Variants in TMEM132C observed in about 807,000 individuals in gnomAD.
The protein encoded by TMEM132C is protein phosphatase 1, regulatory subunit 152.
TMEM132C carries 29 observed loss-of-function variants against 61.4 expected under a neutral mutation model. The observed-to-expected ratio is 0.47, with a 90% CI of 0.35 to 0.64. TMEM132C has a LOEUF of 0.64. Among genes scored for constraint, TMEM132C ranks in the 30% least tolerant of loss-of-function variants. The pLI is 0.00. For missense variants in TMEM132C, 1,408 were observed against 1,476.9 expected, an observed-to-expected ratio of 0.95 and a Z score of 0.76; for synonymous variants, 656 against 633.1, an observed-to-expected ratio of 1.04 and a Z score of -0.54.
chr12:128,334,685 T>C (rs1872749698), intron 1 of TMEM132C, among the ~76,000 whole-genome samples: 1 of 151,640 alleles, frequency 6.6e-6, no homozygotes, highest in Non-Finnish European at 1.5e-5. Context: ...AAGCTCTGCC[T>C]CCTGGGTTCA....
intron 1 of TMEM132C, among the ~76,000 whole-genome samples, chr12:128,358,827 A>C (rs946373595): frequency 1.3e-5 from 2 of 152,234 alleles, no homozygotes; most frequent in African/African-American, 4.8e-5. Flanking sequence ...AGATATGTGA[A>C]GGAAACCCTG....
chr12:128,328,398 C>T (rs115502418), intron 1 of TMEM132C, among the ~76,000 whole-genome samples: 5,069 of 152,208 alleles, frequency 0.033, 88 homozygotes, highest in African/African-American at 0.043. Flanking sequence ...ACTGACCCCC[C>T]GGCTTACATC....
chr12:128,510,422 T>A (rs1368946739), intron 2 of TMEM132C, among the ~76,000 whole-genome samples: 2 of 152,112 alleles, frequency 1.3e-5, no homozygotes, highest in African/African-American at 2.4e-5. Context: ...CTTGCTTTTT[T>A]AAAAAAATAA....
chr12:128,337,487 G>A (rs570619250), intron 1 of TMEM132C, among the ~76,000 whole-genome samples: 4 of 152,082 alleles, frequency 2.6e-5, no homozygotes, highest in Non-Finnish European at 4.4e-5. Context: ...TTCTGATTTC[G>A]CAGGTTGGAA....
chr12:128,624,064 T>G (rs971967887), intron 4 of TMEM132C, among the ~76,000 whole-genome samples: 12 of 152,174 alleles, frequency 7.9e-5, no homozygotes, highest in Admixed American at 7.9e-4. Flanking sequence ...TTCTCATTTT[T>G]TGCCATTTCC....
At chr12:128,277,428 A>G (rs1365749142) in intron 1 of TMEM132C, among the ~76,000 whole-genome samples, 1 of 152,214 alleles carries the variant, frequency 6.6e-6, no homozygotes, top group African/African-American at 2.4e-5. Context: ...CAACTAAAAG[A>G]AAGTGACTTC....
At chr12:128,399,481 C>T (rs1875074770) in intron 1 of TMEM132C, among the ~76,000 whole-genome samples, 1 of 152,164 alleles carries the variant, frequency 6.6e-6, no homozygotes, top group East Asian at 1.9e-4. Context: ...TTAAATTCTG[C>T]TGTAAATGCT....
intron 5 of TMEM132C, among the ~76,000 whole-genome samples, chr12:128,676,871 T>A (rs1258449397): frequency 2.0e-5 from 3 of 152,230 alleles, no homozygotes; most frequent in Non-Finnish European, 4.4e-5. Context: ...TGTAAAAGTA[T>A]GATAAGGGCT....
rs1380065579 is a variant in TMEM132C at position 128,630,849 on chromosome 12, A to G, written c.1305+14514A>G. ...GGAAATCGAGACCATCCTGGCCAAC[A>G]GGGTGAAACCCATCTCTACTAAAAA... is the stretch of plus-strand genomic sequence containing the variant. On this transcript the variant is annotated intron_variant, in intron 4 of 8. Coordinates refer to ENST00000435159, the MANE Select transcript of TMEM132C (RefSeq NM_001136103.3). The surrounding 1 kb of genome is among the most constrained non-coding windows in gnomAD (Gnocchi z 4.3). 6.6e-6 allele frequency among the ~76,000 whole-genome samples: 1 copy of G among 152,204 alleles called. No homozygotes were observed. The highest frequency in any genetic ancestry group is 1.5e-5 in the Non-Finnish European group (1 of 68,032).
At position 128,326,499 on chromosome 12, in the gene TMEM132C, G is replaced by T. The variant is rs963229249; in HGVS notation, c.85+59012G>T. ...ATCCTGGTTCTCCAGAGGGGTCTTG[G>T]TTTTCCATCCTGCCCTGAGCCTAGT... On this transcript the variant is annotated intron_variant, in intron 1 of 8. Coordinates refer to ENST00000435159, the MANE Select transcript of TMEM132C (RefSeq NM_001136103.3). The surrounding 1 kb of genome is among the most constrained non-coding windows in gnomAD (Gnocchi z 5.6). 6.6e-6 allele frequency among the ~76,000 whole-genome samples: 1 copy of T among 152,226 alleles called. No individual in the cohort carries two copies. The highest frequency in any genetic ancestry group is 1.5e-5 in the Non-Finnish European group (1 of 68,040).
chr12:128,390,866 C>G lies in TMEM132C; in HGVS notation c.86-23866C>G, dbSNP rs1874743905. On this transcript the variant is annotated intron_variant, in intron 1 of 8. Coordinates refer to ENST00000435159, the MANE Select transcript of TMEM132C (RefSeq NM_001136103.3). ...GAGTGGTGGCCATGGAGAGAAGATA[C>G]ATGGTTGCTTTTAGACACAGGCAGA... Among the ~76,000 whole-genome samples the G allele has an allele frequency of 2.0e-5, 3 of 152,130 alleles. No individual in the cohort carries two copies. The South Asian group carries it at 6.2e-4, about 32-fold the overall frequency.
chr12:128,606,922 C>G (rs1407296298), intron 3 of TMEM132C, among the ~76,000 whole-genome samples: 2 of 152,060 alleles, frequency 1.3e-5, no homozygotes, highest in Admixed American at 1.3e-4. Flanking sequence ...CACCAGTAAA[C>G]AAAGCAAGTT....
chr12:128,696,305 C>T (rs1433618494), intron 7 of TMEM132C, among the ~76,000 whole-genome samples: 1 of 152,128 alleles, frequency 6.6e-6, no homozygotes, highest in East Asian at 1.9e-4. Flanking sequence ...CCTCTTAGCT[C>T]CCCGTGTGAC....
chr12:128,556,637 CAT>C (rs1874337096), intron 3 of TMEM132C, among the ~76,000 whole-genome samples: 1 of 152,144 alleles, frequency 6.6e-6, no homozygotes, highest in South Asian at 2.1e-4. Context: ...CTGGTTGACT[CAT>C]AGTGCTGAGC....
At chr12:128,433,717 A>G (rs756035100) in intron 2 of TMEM132C, among the ~76,000 whole-genome samples, 2 of 152,240 alleles carry the variant, frequency 1.3e-5, no homozygotes, top group Non-Finnish European at 2.9e-5. Context: ...TTGGAAAATC[A>G]GAAAGGAAGG....
intron 1 of TMEM132C, among the ~76,000 whole-genome samples, chr12:128,363,342 T>C (rs993853759): frequency 2.6e-5 from 4 of 152,234 alleles, no homozygotes; most frequent in African/African-American, 7.2e-5. Context: ...CATTTTACTT[T>C]CTGTTTGAAG....
chr12:128,482,575 G>C (rs1478285488), intron 2 of TMEM132C, among the ~76,000 whole-genome samples: 2 of 152,096 alleles, frequency 1.3e-5, no homozygotes, highest in Non-Finnish European at 2.9e-5. Flanking sequence ...TGTACCTCTG[G>C]TAGAATTCGA....
intron 1 of TMEM132C, among the ~76,000 whole-genome samples, chr12:128,402,309 A>T (rs1875188620): frequency 6.8e-6 from 1 of 147,272 alleles, no homozygotes; most frequent in East Asian, 2.1e-4. Flanking sequence ...GCCATGAGTC[A>T]TGTGGGTTTG....
chr12:128,481,930 G>A (rs1323793381), intron 2 of TMEM132C, among the ~76,000 whole-genome samples: 1 of 152,168 alleles, frequency 6.6e-6, no homozygotes, highest in Admixed American at 6.5e-5. Flanking sequence ...GCATGTGGAA[G>A]GTACACACAT....
Sources: allele counts gnomAD v4.1 joint callset (sites outside exome capture counted in the v4.1 genomes callset), GRCh38; gene constraint gnomAD v4.1.1; non-coding constraint Gnocchi (gnomAD v3.1); transcripts MANE v1.5; gene names NCBI Gene and HGNC (gene_info 2026-07-23, HGNC 2026-07-21).